Variants in TTLL12 observed in about 807,000 individuals in gnomAD.
TTLL12 encodes tubulin tyrosine ligase like 12.
Under a neutral mutation model 79.6 loss-of-function variants are expected in TTLL12, and 77 were observed. The observed-to-expected ratio is 0.97, with a 90% CI of 0.81 to 1.17. TTLL12 has a LOEUF of 1.17. TTLL12 is among the 50% of genes most tolerant of loss of function. The pLI, the probability that TTLL12 is intolerant of heterozygous loss-of-function variation, is 0.00. For missense variants in TTLL12, 969 were observed against 895.9 expected, an observed-to-expected ratio of 1.08 and a Z score of -1.04; for synonymous variants, 437 against 376.1, an observed-to-expected ratio of 1.16 and a Z score of -1.87.
rs1210475334 is a variant in TTLL12 at position 43,174,506 on chromosome 22, C to G, written c.1027G>C (p.Asp343His). The change falls in exon 7 of 14, where the codon GAC becomes CAC. Residue 343 changes from aspartate to histidine, a missense_variant. Coordinates refer to ENST00000216129, the MANE Select transcript of TTLL12 (RefSeq NM_015140.4). ...DILFNFSHFK[D>H]YRKLSQERPG... ...GGCCAGAGGTGCCCTCACCTGTAGT[C>G]CTTGAAGTGTGAGAAGTTGAAGAGG... The G allele has an allele frequency of 6.2e-7, 1 of 1,611,002 alleles. No homozygotes were observed.
chr22:43,186,844 C>T, intron 1 of TTLL12, 49 bp downstream of exon 1: 1 of 1,241,078 alleles, frequency 8.1e-7, no homozygotes, highest in Non-Finnish European at 1.0e-6. Context: ...CGGGCTCCCG[C>T]CGCGCTCCCA....
intron 1 of TTLL12, among the ~76,000 whole-genome samples, chr22:43,185,054 C>A (rs998772391): frequency 6.6e-6 from 1 of 151,590 alleles, no homozygotes; most frequent in African/African-American, 2.4e-5. Flanking sequence ...ATGGTGAAGC[C>A]CCATCTCTAC....
At chr22:43,169,063 GC>G in intron 12 of TTLL12, 151 bp from the exon 13 acceptor site, 1 of 1,023,966 alleles carries the variant, frequency 9.8e-7, no homozygotes, top group Non-Finnish European at 1.4e-6. Context: ...GGCCACCTCC[GC>G]CCAGCACCTG....
At position 43,187,080 on chromosome 22, in the gene TTLL12, C is replaced by T. The variant is rs566260791; in HGVS notation, c.-11G>A. On this transcript the variant is annotated 5_prime_UTR_variant, in exon 1 of 14. In the 5' UTR this introduces an upstream ATG that the reference lacks. Transcript: ENST00000216129. ...CCGCTCGGCCTCCATGGCGCCAGCA[C>T]CCGCGCCGACTCCAGCGCCGCCACC... 5 of 1,147,690 alleles carry T rather than the reference C, an allele frequency of 4.4e-6. No individual in the cohort carries two copies. The highest frequency in any genetic ancestry group is 5.3e-6 in the Non-Finnish European group (5 of 939,262). 71.1% of individuals were successfully genotyped at this position (1,147,690 alleles called of 1,614,324 possible).
At chr22:43,168,222 G>A (rs1931668442) in intron 13 of TTLL12, 63 bp from the exon 14 acceptor site, 2 of 1,574,772 alleles carry the variant, frequency 1.3e-6, no homozygotes, top group African/African-American at 2.7e-5. Context: ...AGGGACAGTG[G>A]CCTGGGGATC....
At chr22:43,177,645 G>T (rs1433354704) in intron 5 of TTLL12, among the ~76,000 whole-genome samples, 1 of 152,216 alleles carries the variant, frequency 6.6e-6, no homozygotes, top group Non-Finnish European at 1.5e-5. Context: ...AGGCCCACAA[G>T]GCAGGGAGCC....
In TTLL12 at chr22:43,185,928, C is replaced by G. The variant is rs115261018; in HGVS notation, c.177+965G>C. On this transcript the variant is annotated intron_variant, in intron 1 of 13. Coordinates refer to ENST00000216129, the MANE Select transcript of TTLL12 (RefSeq NM_015140.4). ...AGAAGTGAGGGGCAGAGGAAACTCT[C>G]TGTTACACTGTAGCATAAGGAGGTG... 3,242 of 982,602 alleles carry G rather than the reference C, an allele frequency of 3.3e-3. 88 individuals are homozygous for G. In the African/African-American group the frequency reaches 0.053, roughly 16 times the overall value. The allele number at this position is 982,602 out of a possible 1,614,324, so 60.9% of individuals were successfully genotyped here.
Position 43,183,131 on chromosome 22 carries a change from C to G in TTLL12, c.196G>C (p.Val66Leu). Residue 66 changes from valine to leucine, a missense_variant, in exon 2 of 14, where the codon GTG (valine) becomes CTG (leucine). Val to Leu is a conservative substitution (Grantham distance 32, BLOSUM62 1). Coordinates refer to ENST00000216129, the MANE Select transcript of TTLL12 (RefSeq NM_015140.4). ...LEHEVFDAGE[V>L]FGIMQVEEVE... Reference sequence around the variant, plus strand: ...TCCTCCACTTGCATGATCCCAAACACTTCCCCAGCGTCGAAAACCTGGGGG... The same window carrying G: ...TCCTCCACTTGCATGATCCCAAACAGTTCCCCAGCGTCGAAAACCTGGGGG... 1 of 1,613,930 alleles carries G rather than the reference C, an allele frequency of 6.2e-7. No homozygotes were observed. The highest frequency in any genetic ancestry group is 8.5e-7 in the Non-Finnish European group (1 of 1,179,980).
At chr22:43,182,409 G>A (rs1932081750) in intron 2 of TTLL12, among the ~76,000 whole-genome samples, 2 of 152,210 alleles carry the variant, frequency 1.3e-5, no homozygotes, top group East Asian at 1.9e-4. Flanking sequence ...TGGACACAGG[G>A]GCCCAGCAAG....
Position 43,179,718 on chromosome 22 carries a change from C to T in TTLL12, c.741G>A (p.Thr247=), listed in dbSNP as rs369251942. ...GCATGCACTTCCGGATCAGGGGGTC[C>T]GTCTCTCCGTAGGCAAAGTCTCGGG... is the stretch of plus-strand genomic sequence containing the variant. ...EVTRDFAYGE[T]DPLIRKCMLL... Residue 247 remains threonine (T), a synonymous_variant, in exon 5 of 14, where the codon ACG becomes ACA. Coordinates refer to ENST00000216129, the MANE Select transcript of TTLL12 (RefSeq NM_015140.4). 77 of 1,564,152 alleles carry T rather than the reference C, an allele frequency of 4.9e-5. No homozygotes were observed. Among genetic ancestry groups the T allele is most frequent in the Admixed American group, 2.0e-4 (10 of 51,052 alleles).
At position 43,180,741 on chromosome 22, in the gene TTLL12, C is replaced by A. The variant is rs1304194444; in HGVS notation, c.546+1G>T. ...TCCCCGGGGCCCAGCTACCCACTCA[C>A]CCCATGGGCCAGCTGGTAGGTCTGG... On this transcript the variant is annotated splice_donor_variant, in intron 3 of 13. Coordinates refer to ENST00000216129, the MANE Select transcript of TTLL12 (RefSeq NM_015140.4). LOFTEE classifies it high-confidence loss of function. 6.2e-7 allele frequency: 1 copy of A among 1,612,918 alleles called. No homozygotes were observed. Among genetic ancestry groups the A allele is most frequent in the East Asian group, 2.2e-5 (1 of 44,882 alleles).
chr22:43,178,960 G>C (rs929361654), intron 5 of TTLL12, among the ~76,000 whole-genome samples: 4 of 152,188 alleles, frequency 2.6e-5, no homozygotes, highest in African/African-American at 9.6e-5. Context: ...GGAGAGGAGG[G>C]GAAGGAGGAG....
At chr22:43,169,772 CG>C (rs1569483285) in intron 11 of TTLL12, 1 of 659,108 alleles carries the variant, frequency 1.5e-6, no homozygotes. Context: ...TCTGGACCAA[CG>C]GATTAACTTC....
At position 43,174,502 on chromosome 22, in the gene TTLL12, T is replaced by C. The variant is rs758711853; in HGVS notation, c.1031A>G (p.Tyr344Cys). The change falls in exon 7 of 14, where the codon TAC becomes TGC. Residue 344 changes from tyrosine (Y) to cysteine (C), a missense_variant. Coordinates refer to ENST00000216129, the MANE Select transcript of TTLL12 (RefSeq NM_015140.4). ...CTGCGGCCAGAGGTGCCCTCACCTG[T>C]AGTCCTTGAAGTGTGAGAAGTTGAA... The part of the protein sequence containing the change: ...ILFNFSHFKD[Y>C]RKLSQERPGV... 2 of 1,609,256 alleles carry C rather than the reference T, an allele frequency of 1.2e-6. No individual in the cohort carries two copies. The highest frequency in any genetic ancestry group is 1.1e-5 in the South Asian group (1 of 90,706).
chr22:43,177,370 T>C (rs1342603735), intron 5 of TTLL12, among the ~76,000 whole-genome samples: 1 of 150,538 alleles, frequency 6.6e-6, no homozygotes, highest in Non-Finnish European at 1.5e-5. Context: ...CTATCTTTTT[T>C]AAAAAATTAA....
At chr22:43,181,223 A>G (rs1932049056) in intron 2 of TTLL12, among the ~76,000 whole-genome samples, 1 of 152,232 alleles carries the variant, frequency 6.6e-6, no homozygotes, top group African/African-American at 2.4e-5. Context: ...GGCTGTCACA[A>G]GCAGCAAATG....
chr22:43,180,708 C>T, intron 3 of TTLL12, 34 bp downstream of exon 3: 3 of 1,608,076 alleles, frequency 1.9e-6, no homozygotes, highest in Non-Finnish European at 2.5e-6. Context: ...CCATGCCTGT[C>T]CTCCCCCTCC....
At chr22:43,180,653 G>T in intron 3 of TTLL12, 89 bp downstream of exon 3, 2 of 1,435,550 alleles carry the variant, frequency 1.4e-6, no homozygotes, top group Non-Finnish European at 1.9e-6. Context: ...TGCTCTGGCC[G>T]GCCCCTCACC....
rs1932013396 is a variant in TTLL12, at chr22:43,179,951, GA to G, written c.595del (p.Ser199ArgfsTer31). 1 of 1,610,178 alleles carries G rather than the reference GA, an allele frequency of 6.2e-7. No homozygotes were observed. The highest frequency in any genetic ancestry group is 1.7e-5 in the Admixed American group (1 of 59,946). ...GGGCACGTCCGCGTGCTGGATCCGC[GA>G]ACCGAACTCGTCCATGATATACCAC... The part of the protein sequence containing the change: ...PVWYIMDEFG[S>X]RIQHADVPSF... On this transcript the variant is annotated frameshift_variant, in exon 4 of 14. Coordinates refer to ENST00000216129, the MANE Select transcript of TTLL12 (RefSeq NM_015140.4). LOFTEE classifies it high-confidence loss of function.
Sources: gnomAD v4.1 joint callset for allele counts (sites outside exome capture counted in the v4.1 genomes callset) on GRCh38, gnomAD v4.1.1 for gene constraint, MANE v1.5 for transcripts, NCBI Gene and HGNC (gene_info 2026-07-23, HGNC 2026-07-21) for gene names.